Variants in SYTL5 observed in about 807,000 individuals in gnomAD.
SYTL5 encodes synaptotagmin-like protein 5.
A neutral mutation model predicts 55.9 loss-of-function variants in SYTL5; 34 were observed. The observed-to-expected ratio is 0.61, with a 90% CI of 0.46 to 0.81. SYTL5 has a LOEUF of 0.81. Ranked by LOEUF, SYTL5 falls within the 30% of genes least tolerant of loss-of-function variation. The pLI is 0.00. For synonymous variants in SYTL5, 221 were observed against 188.7 expected, an observed-to-expected ratio of 1.17 and a Z score of -1.40; for missense variants, 637 against 546.7, an observed-to-expected ratio of 1.17 and a Z score of -1.65.
At chrX:38,024,420 C>CT (rs199682712) in intron 1 of SYTL5, among the ~76,000 whole-genome samples, 100 of 109,815 alleles carry the variant, frequency 9.1e-4, no homozygotes, top group African/African-American at 2.7e-3. Context: ...CATTAAAGCT[C>CT]TTTTTTTTTA....
chrX:38,123,805 A>T (rs376906463), intron 15 of SYTL5, among the ~76,000 whole-genome samples: 19 of 112,203 alleles, frequency 1.7e-4, no homozygotes, highest in East Asian at 1.1e-3. Context: ...TTTCCGGTAA[A>T]TTCTGTCTAT....
the SYTL5 span, among the ~76,000 whole-genome samples, chrX:37,970,824 A>G: frequency 8.9e-6 from 1 of 112,349 alleles, no homozygotes; most frequent in African/African-American, 3.2e-5. Flanking sequence ...TTTCATAAGC[A>G]TATACAAGCA....
the SYTL5 span, among the ~76,000 whole-genome samples, chrX:37,961,505 G>A: frequency 9.0e-6 from 1 of 111,199 alleles, no homozygotes; most frequent in East Asian, 2.8e-4. Flanking sequence ...GGATAGCAGA[G>A]GTTGTTGCTG....
chrX:37,970,443 A>G, the SYTL5 span, among the ~76,000 whole-genome samples: 3 of 106,685 alleles, frequency 2.8e-5, no homozygotes, highest in Non-Finnish European at 5.8e-5. Flanking sequence ...TGTTTTTTAC[A>G]TAACCCTTAA....
intron 1 of SYTL5, among the ~76,000 whole-genome samples, chrX:38,024,782 A>G (rs918512391): frequency 1.2e-4 from 13 of 111,697 alleles, no homozygotes; most frequent in African/African-American, 3.9e-4. Flanking sequence ...CTCTTGAAGT[A>G]TTGGTATGAA....
At chrX:38,068,999 A>G (rs1936182532) in intron 3 of SYTL5, among the ~76,000 whole-genome samples, 2 of 111,694 alleles carry the variant, frequency 1.8e-5, no homozygotes, top group African/African-American at 6.5e-5. Flanking sequence ...GTCATTAAGT[A>G]TTTTTATTTT....
At chrX:38,076,001 G>A (rs186735718) in intron 5 of SYTL5, among the ~76,000 whole-genome samples, 128 of 111,749 alleles carry the variant, frequency 1.1e-3, no homozygotes, top group African/African-American at 3.7e-3. Flanking sequence ...TCCAACATGA[G>A]GCACAAGAAT....
At chrX:38,038,905 T>A (rs2147227593) in intron 2 of SYTL5, among the ~76,000 whole-genome samples, 1 of 112,144 alleles carries the variant, frequency 8.9e-6, no homozygotes, top group African/African-American at 3.2e-5. Context: ...GATAAAAATG[T>A]AGAAGACGGA....
chrX:38,074,905 AACACACACACAC>A (rs72169928), intron 5 of SYTL5, among the ~76,000 whole-genome samples: 8 of 102,862 alleles, frequency 7.8e-5, no homozygotes, highest in Non-Finnish European at 8.0e-5. Flanking sequence ...ACACCCCCTC[AACACACACACAC>A]ACACACACAC....
At chrX:37,967,431 T>C in the SYTL5 span, among the ~76,000 whole-genome samples, 2 of 111,898 alleles carry the variant, frequency 1.8e-5, no homozygotes, top group African/African-American at 3.2e-5. Context: ...GATACTCTAA[T>C]TGAATTTCCC....
intron 3 of SYTL5, among the ~76,000 whole-genome samples, chrX:38,070,548 C>G (rs1408499586): frequency 2.7e-5 from 3 of 111,002 alleles, no homozygotes; most frequent in Non-Finnish European, 1.9e-5. Flanking sequence ...ATATATTTAG[C>G]CAGAGATTAT....
the SYTL5 span, among the ~76,000 whole-genome samples, chrX:37,962,433 A>G: frequency 8.9e-6 from 1 of 111,932 alleles, no homozygotes; most frequent in East Asian, 2.8e-4. Context: ...ATAGTATTCC[A>G]TGGTGTATAT....
chrX:38,003,247 A>C (rs1933903424), upstream of SYTL5, among the ~76,000 whole-genome samples: 1 of 111,597 alleles, frequency 9.0e-6, no homozygotes, highest in African/African-American at 3.3e-5. Context: ...TGGTACCAGT[A>C]CCATGCTGTT....
At position 38,076,634 on chromosome X, in the gene SYTL5, C is replaced by T. The variant is rs533589055; in HGVS notation, c.622C>T (p.Arg208Trp). Residue 208 changes from arginine to tryptophan, a missense_variant, in exon 6 of 17, where the codon CGG (arginine) becomes TGG (tryptophan). By Grantham distance (101) the Arg-to-Trp change is moderately radical. Transcript: ENST00000297875. ...EIITPKTDTG[R>W]SYSLDLDGQH... is the part of the protein sequence containing the mutation. ...CATAACTCCCAAAACTGACACTGGG[C>T]GGAGCTATAGCTTGGACTTAGACGG... 18 of 1,208,872 alleles carry T rather than the reference C, an allele frequency of 1.5e-5. No individual in the cohort carries two copies. The highest frequency in any genetic ancestry group is 8.8e-5 in the South Asian group (5 of 56,810).
the SYTL5 span, among the ~76,000 whole-genome samples, chrX:37,968,395 A>G: frequency 9.0e-6 from 1 of 111,426 alleles, no homozygotes; most frequent in African/African-American, 3.3e-5. Flanking sequence ...TTTTACCCCC[A>G]GACCATTTTA....
chrX:38,054,071 T>G, intron 2 of SYTL5, 142 bp from the exon 3 acceptor site: 12 of 452,657 alleles, frequency 2.7e-5, no homozygotes, highest in Admixed American at 4.1e-5. Flanking sequence ...AAATTCTAAG[T>G]GAGATTGCAT....
intron 9 of SYTL5, among the ~76,000 whole-genome samples, chrX:38,101,055 G>A (rs1295437922): frequency 9.0e-6 from 1 of 110,871 alleles, no homozygotes; most frequent in Non-Finnish European, 1.9e-5. Context: ...GAATTTTAAG[G>A]CAATATTAAG....
chrX:37,991,203 C>T, the SYTL5 span: 14 of 1,200,276 alleles, frequency 1.2e-5, no homozygotes, highest in East Asian at 4.2e-4. Flanking sequence ...AAGACTGGGT[C>T]CCAGAGCCTT....
the SYTL5 span, among the ~76,000 whole-genome samples, chrX:37,989,939 C>T: frequency 9.0e-6 from 1 of 110,986 alleles, no homozygotes; most frequent in Non-Finnish European, 1.9e-5. Flanking sequence ...GTGGCACGAT[C>T]TCGGCTCACT....
Sources: allele counts gnomAD v4.1 joint callset (sites outside exome capture counted in the v4.1 genomes callset), GRCh38; gene constraint gnomAD v4.1.1; transcripts MANE v1.5; gene names NCBI Gene and HGNC (gene_info 2026-07-23, HGNC 2026-07-21).